Variants in CDH13 observed in about 807,000 individuals in gnomAD.
CDH13 encodes cadherin-13.
In CDH13, 24 loss-of-function variants were observed where a neutral mutation model predicts 63.8. The observed-to-expected ratio is 0.38, with a 90% confidence interval of 0.27 to 0.53. CDH13 has a LOEUF of 0.53. Among genes scored for constraint, CDH13 ranks in the 20% least tolerant of loss-of-function variants. CDH13 has a pLI of 0.85. For missense variants in CDH13, 1,049 were observed against 903.1 expected (o/e 1.16, Z -2.07); for synonymous variants, 503 against 355.3 (o/e 1.42, Z -4.67).
At chr16:82,701,507 C>A (rs1485354066) in intron 1 of CDH13, among the ~76,000 whole-genome samples, 2 of 152,182 alleles carry the variant, frequency 1.3e-5, no homozygotes, top group Admixed American at 1.3e-4. Flanking sequence ...TAGTAGATTG[C>A]ACAACTGGCA....
chr16:83,468,473 C>G (rs192615438), intron 6 of CDH13, among the ~76,000 whole-genome samples: 2 of 152,180 alleles, frequency 1.3e-5, no homozygotes, highest in Non-Finnish European at 2.9e-5. Context: ...ACCAAATATC[C>G]GAAATCCTAA....
At chr16:83,281,925 T>C (rs954778352) in intron 5 of CDH13, among the ~76,000 whole-genome samples, 2 of 152,072 alleles carry the variant, frequency 1.3e-5, no homozygotes, top group African/African-American at 4.8e-5. Flanking sequence ...AATAAATAAA[T>C]AAATAAAATT....
At chr16:82,682,054 C>T (rs1375933515) in intron 1 of CDH13, among the ~76,000 whole-genome samples, 2 of 152,232 alleles carry the variant, frequency 1.3e-5, no homozygotes, top group South Asian at 4.1e-4. Flanking sequence ...TTTATAATAA[C>T]TACGGAGTAA....
chr16:82,865,320 C>G (rs2040089100), intron 2 of CDH13, among the ~76,000 whole-genome samples: 1 of 152,248 alleles, frequency 6.6e-6, no homozygotes, highest in Non-Finnish European at 1.5e-5. Flanking sequence ...CATTTCCCTT[C>G]TGCACTGCCT....
chr16:83,029,329 T>C (rs1160204905), intron 2 of CDH13, among the ~76,000 whole-genome samples: 1 of 152,198 alleles, frequency 6.6e-6, no homozygotes, highest in Non-Finnish European at 1.5e-5. Context: ...CTAGGATCTA[T>C]GTAGCTGTTG....
intron 2 of CDH13, among the ~76,000 whole-genome samples, chr16:82,920,240 G>A (rs143753335): frequency 5.7e-4 from 86 of 152,192 alleles, no homozygotes; most frequent in Middle Eastern, 3.4e-3. Flanking sequence ...TTCCCCATGC[G>A]TCACCCCTTC....
intron 7 of CDH13, among the ~76,000 whole-genome samples, chr16:83,500,526 CCCCTCCTCCTCCCTCT>C (rs1232788316): frequency 0.48 from 1,307 of 2,698 alleles, 59 homozygotes; most frequent in South Asian, 0.54. Flanking sequence ...CCTCCTCCTC[CCCCTCCTCCTCCCTCT>C]CCCTCCTCCT....
chr16:83,544,116 A>G (rs902332419), intron 7 of CDH13, among the ~76,000 whole-genome samples: 2 of 152,096 alleles, frequency 1.3e-5, no homozygotes, highest in East Asian at 1.9e-4. Flanking sequence ...ACACCCTCTC[A>G]CTGAATGTGA....
At chr16:83,381,597 C>A (rs1277798592) in intron 6 of CDH13, among the ~76,000 whole-genome samples, 1 of 151,924 alleles carries the variant, frequency 6.6e-6, no homozygotes, top group South Asian at 2.1e-4. Context: ...TTCACATCAC[C>A]TTCTCCCATA....
chr16:82,879,262 C>T (rs1408412811), intron 2 of CDH13, among the ~76,000 whole-genome samples: 1 of 151,918 alleles, frequency 6.6e-6, no homozygotes, highest in Non-Finnish European at 1.5e-5. Context: ...AGCTCCTTAG[C>T]TTCTCTGCAC....
intron 7 of CDH13, among the ~76,000 whole-genome samples, chr16:83,547,487 G>T (rs1345170907): frequency 6.6e-6 from 1 of 152,030 alleles, no homozygotes; most frequent in Non-Finnish European, 1.5e-5. Flanking sequence ...AGTGTGTGTT[G>T]TTCCCCTTTG....
At chr16:83,409,733 A>G (rs939530844) in intron 6 of CDH13, among the ~76,000 whole-genome samples, 1 of 152,254 alleles carries the variant, frequency 6.6e-6, no homozygotes, top group Admixed American at 6.5e-5. Flanking sequence ...TAAATCATTC[A>G]GCTTTTCCCC....
At chr16:82,764,509 A>G (rs963487607) in intron 1 of CDH13, among the ~76,000 whole-genome samples, 3 of 152,186 alleles carry the variant, frequency 2.0e-5, no homozygotes, top group African/African-American at 7.2e-5. Context: ...TAGCAGAGCA[A>G]GCAGTTTGAG....
At chr16:83,078,453 G>T (rs568584007) in intron 3 of CDH13, among the ~76,000 whole-genome samples, 92 of 152,284 alleles carry the variant, frequency 6.0e-4, no homozygotes, top group African/African-American at 1.9e-3. Flanking sequence ...ATCACAATTG[G>T]GTTTGTAGGT....
chr16:83,216,818 G>C (rs1439061912), intron 4 of CDH13, among the ~76,000 whole-genome samples: 1 of 150,748 alleles, frequency 6.6e-6, no homozygotes, highest in South Asian at 2.1e-4. Flanking sequence ...GTGTATATAT[G>C]TGTATATATG....
At chr16:83,523,409 T>G (rs1244938152) in intron 7 of CDH13, among the ~76,000 whole-genome samples, 1 of 152,210 alleles carries the variant, frequency 6.6e-6, no homozygotes, top group African/African-American at 2.4e-5. Flanking sequence ...ATAGCTTTTT[T>G]AGATTTTTTA....
At chr16:82,963,851 G>T (rs1907406351) in intron 2 of CDH13, among the ~76,000 whole-genome samples, 1 of 152,138 alleles carries the variant, frequency 6.6e-6, no homozygotes, top group African/African-American at 2.4e-5. Context: ...TCATACTCAT[G>T]ATCCTACGGG....
At chr16:83,436,133 C>T (rs1262040604) in intron 6 of CDH13, among the ~76,000 whole-genome samples, 1 of 152,118 alleles carries the variant, frequency 6.6e-6, no homozygotes, top group Non-Finnish European at 1.5e-5. Flanking sequence ...CCAAATGTCA[C>T]CAGTGGCAAG....
At chr16:82,863,135 C>T (rs1415974323) in intron 2 of CDH13, among the ~76,000 whole-genome samples, 4 of 152,182 alleles carry the variant, frequency 2.6e-5, no homozygotes, top group Admixed American at 6.5e-5. Flanking sequence ...AAAATGATGT[C>T]GCCTATATCA....
Sources: gnomAD v4.1 joint callset for allele counts (sites outside exome capture counted in the v4.1 genomes callset) on GRCh38, gnomAD v4.1.1 for gene constraint, MANE v1.5 for transcripts, NCBI Gene and HGNC (gene_info 2026-07-23, HGNC 2026-07-21) for gene names.